RFX6: variants seen among roughly 807,000 people sequenced by gnomAD.
RFX6 encodes regulatory factor X6.
Under a neutral mutation model 110.8 loss-of-function variants are expected in RFX6, and 50 were observed. The ratio of observed to expected loss-of-function variants is 0.45; its 90% CI spans 0.36 to 0.57. The LOEUF is 0.57. Among genes scored for constraint, RFX6 ranks in the 20% least tolerant of loss-of-function variants. The pLI, the probability that RFX6 is intolerant of heterozygous loss-of-function variation, is 0.00. For missense variants in RFX6, 990 were observed against 1,127.0 expected, an observed-to-expected ratio of 0.88 and a Z score of 1.74; for synonymous variants, 383 against 411.2, an observed-to-expected ratio of 0.93 and a Z score of 0.83.
At chr6:116,927,601 T>A in intron 17 of RFX6, 62 bp downstream of exon 17, 3 of 1,364,130 alleles carry the variant, frequency 2.2e-6, no homozygotes, top group Non-Finnish European at 3.1e-6. Flanking sequence ...AAATCAGACA[T>A]TGCGTTCCAC....
At chr6:116,920,160 A>C in intron 11 of RFX6, 150 bp from the exon 12 acceptor site, 1 of 683,150 alleles carries the variant, frequency 1.5e-6, no homozygotes, top group Non-Finnish European at 2.6e-6. Flanking sequence ...GATGATCATG[A>C]GTCTCAGCTA....
At chr6:116,929,399 C>A (rs1472606097) in intron 18 of RFX6, among the ~76,000 whole-genome samples, 1 of 151,948 alleles carries the variant, frequency 6.6e-6, no homozygotes, top group Non-Finnish European at 1.5e-5. Context: ...AAAAATCACT[C>A]CAAGATTAAA....
chr6:116,893,889 A>C (rs1774882898), intron 4 of RFX6, 98 bp from the exon 5 acceptor site: 1 of 786,696 alleles, frequency 1.3e-6, no homozygotes, highest in Non-Finnish European at 2.3e-6. Flanking sequence ...CAGGGTTTGC[A>C]GTTCTTATTC....
intron 17 of RFX6, among the ~76,000 whole-genome samples, chr6:116,928,010 C>T (rs1441730397): frequency 6.6e-6 from 1 of 151,182 alleles, no homozygotes; most frequent in Non-Finnish European, 1.5e-5. Flanking sequence ...TCCCAAAATG[C>T]TGAGGTGCCT....
intron 1 of RFX6, 57 bp from the exon 2 acceptor site, chr6:116,877,739 C>T (rs1202285551): frequency 6.4e-7 from 1 of 1,556,844 alleles, no homozygotes; most frequent in Non-Finnish European, 8.8e-7. Context: ...CACTTAAAGG[C>T]GACTTAGTTG....
chr6:116,901,827 C>T, intron 6 of RFX6, among the ~76,000 whole-genome samples: 1 of 152,020 alleles, frequency 6.6e-6, no homozygotes, highest in Non-Finnish European at 1.5e-5. Context: ...GATTTACACA[C>T]TTTATGACTG....
intron 6 of RFX6, among the ~76,000 whole-genome samples, chr6:116,895,645 T>TACACAA (rs1774927864): frequency 6.8e-6 from 1 of 147,834 alleles, no homozygotes. Context: ...CTACTTTGTG[T>TACACAA]ACACACACAC....
At chr6:116,890,598 C>T (rs1164624119) in intron 4 of RFX6, among the ~76,000 whole-genome samples, 1 of 152,106 alleles carries the variant, frequency 6.6e-6, no homozygotes, top group Admixed American at 6.6e-5. Context: ...AGAATATGCT[C>T]AGCTACATCA....
At position 116,922,045 on chromosome 6, in the gene RFX6, A is replaced by G; in HGVS notation, c.1331A>G (p.Asp444Gly). The change falls in exon 13 of 19, where the codon GAC (aspartate) becomes GGC (glycine). Residue 444 changes from aspartate (D) to glycine (G), a missense_variant. Physicochemically the swap from Asp to Gly is moderately conservative, Grantham distance 94. Transcript: ENST00000332958. ...TTTTTTTTTTTTTCCTGGGTAGATG[A>G]CTCTATCACTGTGTTCCAAGAACTG... ...DTESGIYTEH[D>G]SITVFQELKD... 7.5e-7 allele frequency: 1 copy of G among 1,333,924 alleles called. No homozygotes were observed. Among genetic ancestry groups the G allele is most frequent in the Non-Finnish European group, 1.1e-6 (1 of 935,316 alleles). The allele number at this position is 1,333,924 out of a possible 1,614,324, so 82.6% of individuals were successfully genotyped here. A position where few individuals can be genotyped will look rare whatever the true frequency, so the allele number is the denominator to read the frequency against.
chr6:116,896,069 TTAGA>T (rs1774938484), intron 6 of RFX6, among the ~76,000 whole-genome samples: 1 of 152,222 alleles, frequency 6.6e-6, no homozygotes, highest in African/African-American at 2.4e-5. Context: ...TAGCTCTTTA[TTAGA>T]TAAACAATTG....
intron 4 of RFX6, chr6:116,885,044 A>C (rs1264027857): frequency 6.6e-6 from 1 of 152,176 alleles, no homozygotes; most frequent in Non-Finnish European, 1.5e-5. Context: ...ATTCTTAGCT[A>C]GGTATGTTTC....
chr6:116,929,010 G>C lies in RFX6; in HGVS notation c.2611+39G>C, dbSNP rs138940789. ...GCAGTTCTTGAAAACATTTTAAGAA[G>C]TTGTTAACCTCAGGTATGCAACATT... On this transcript the variant is annotated intron_variant, in intron 18 of 18. Coordinates refer to ENST00000332958, the MANE Select transcript of RFX6 (RefSeq NM_173560.4). 6.8e-4 allele frequency: 898 copies of C among 1,328,370 alleles called. 5 individuals are homozygous for C. The African/African-American group carries it at 7.7e-3, about 11-fold the overall frequency. 82.3% of individuals were successfully genotyped at this position (1,328,370 alleles called of 1,614,324 possible). A position where few individuals can be genotyped will look rare whatever the true frequency, so the allele number is the denominator to read the frequency against.
chr6:116,878,092 G>A, intron 2 of RFX6, 140 bp downstream of exon 2: 2 of 890,756 alleles, frequency 2.2e-6, no homozygotes, highest in East Asian at 5.3e-5. Context: ...ATTTAACCCA[G>A]AATTTTTTTC....
chr6:116,877,434 C>CGG lies in RFX6; in HGVS notation c.163_164dup (p.Glu56AlafsTer18). The CGG allele has an allele frequency of 6.3e-7, 1 of 1,593,498 alleles. No individual in the cohort carries two copies. Among genetic ancestry groups the CGG allele is most frequent in the Non-Finnish European group, 8.5e-7 (1 of 1,169,698 alleles). ...TGTACCTGGCGGCCGAAGGGCAGCC[C>CGG]GGGGGCGAGCAGGGCGGCGGGGAGA... is the stretch of plus-strand genomic sequence containing the variant. On this transcript the variant is annotated frameshift_variant, in exon 1 of 19. Transcript: ENST00000332958. LOFTEE classifies it high-confidence loss of function.
At chr6:116,898,936 C>T (rs1582519102) in intron 6 of RFX6, among the ~76,000 whole-genome samples, 2 of 152,234 alleles carry the variant, frequency 1.3e-5, no homozygotes, top group Middle Eastern at 3.4e-3. Flanking sequence ...TAAACTCTGT[C>T]GTGCATGAGT....
chr6:116,928,382 T>G (rs993984701), intron 17 of RFX6, among the ~76,000 whole-genome samples: 1 of 152,220 alleles, frequency 6.6e-6, no homozygotes. Flanking sequence ...GAAAGTAGTA[T>G]TTTTGTGACA....
In RFX6 at chr6:116,927,537, A is replaced by G. The variant is rs2114704525; in HGVS notation, c.2396A>G (p.Asn799Ser). The change falls in exon 17 of 19, where the codon AAT becomes AGT. Residue 799 changes from asparagine (N) to serine (S), a missense_variant and splice_region_variant. Physicochemically the swap from Asn to Ser is conservative, Grantham distance 46 (BLOSUM62 1). This residue lies in a region of RFX6 where 438 missense variants were observed against 441.9 expected (regional missense o/e 0.99). Coordinates refer to ENST00000332958, the MANE Select transcript of RFX6 (RefSeq NM_173560.4). Reference sequence around the variant, plus strand: ...GCAACACTGCCTCCTAATTCACCAAATGGTATTGATATTTAAAAGAATTTT... The same window carrying G: ...GCAACACTGCCTCCTAATTCACCAAGTGGTATTGATATTTAAAAGAATTTT... Reference protein sequence around the residue: ...QGATLPPNSPNGYYGSNINYP... With the variant: ...QGATLPPNSPSGYYGSNINYP... The G allele has an allele frequency of 6.2e-7, 1 of 1,612,492 alleles. No homozygotes were observed. Among genetic ancestry groups the G allele is most frequent in the Middle Eastern group, 1.6e-4 (1 of 6,062 alleles).
In RFX6 at chr6:116,898,253, T is replaced by C. The variant is rs190763737; in HGVS notation, c.672+3046T>C. On this transcript the variant is annotated intron_variant, in intron 6 of 18. Transcript: ENST00000332958. Reference sequence around the variant, plus strand: ...GTGAGCTGGGGTTTGGTTTGTGAAATGAGTGGGAAGTAGCATTGAATGTAG... The same window carrying C: ...GTGAGCTGGGGTTTGGTTTGTGAAACGAGTGGGAAGTAGCATTGAATGTAG... 3.2e-3 allele frequency among the ~76,000 whole-genome samples: 490 copies of C among 152,234 alleles called. 1 individual carries two copies. Among genetic ancestry groups the C allele is most frequent in the African/African-American group, 0.012 (478 of 41,558 alleles).
At position 116,880,613 on chromosome 6, in the gene RFX6, A is replaced by G. The variant is rs1211905523; in HGVS notation, c.450A>G (p.Leu150=). 6.2e-7 allele frequency: 1 copy of G among 1,613,138 alleles called. No individual in the cohort carries two copies. The highest frequency in any genetic ancestry group is 1.3e-5 in the African/African-American group (1 of 74,916). ...GGTGCATTCTTTATGCACACTACTT[A>G]GATTTCTGTAGGAAAGAGAAATTAG... ...LPRCILYAHY[L]DFCRKEKLEP... Residue 150 remains leucine (L), a synonymous_variant, in exon 3 of 19, where the codon TTA becomes TTG. Coordinates refer to ENST00000332958, the MANE Select transcript of RFX6 (RefSeq NM_173560.4).
Sources: allele counts gnomAD v4.1 joint callset (sites outside exome capture counted in the v4.1 genomes callset), GRCh38; gene constraint gnomAD v4.1.1; regional missense constraint gnomAD v4.1.1; transcripts MANE v1.5; gene names NCBI Gene and HGNC (gene_info 2026-07-23, HGNC 2026-07-21).